The following PHEX variants were observed in gnomAD, a reference collection of about 807,000 sequenced individuals.
PHEX encodes phosphate regulating endopeptidase X-linked, also known as phosphate-regulating neutral endopeptidase PHEX.
PHEX carries 16 observed loss-of-function variants against 68.0 expected under a neutral mutation model. That is an observed-to-expected ratio of 0.24 (90% CI 0.16 to 0.36). PHEX has a LOEUF of 0.36. Ranked by LOEUF, PHEX falls within the 10% of genes least tolerant of loss-of-function variation. The pLI, the probability that PHEX is intolerant of heterozygous loss-of-function variation, is 1.00. For synonymous variants in PHEX, 208 were observed against 205.1 expected (o/e 1.01, Z -0.12); for missense variants, 480 against 575.5 (o/e 0.83, Z 1.70).
chrX:22,164,122 C>T (rs1045175808), intron 12 of PHEX, among the ~76,000 whole-genome samples: 7 of 111,780 alleles, frequency 6.3e-5, no homozygotes, highest in Admixed American at 9.5e-5. Flanking sequence ...TCCTCTTCTA[C>T]CTTTGGAATT....
rs146611446 is a variant in PHEX, at chrX:22,145,360, C to G, written c.1404+11736C>G. Among the ~76,000 whole-genome samples the G allele has an allele frequency of 7.3e-3, 823 of 112,193 alleles. 5 individuals carry two copies. Among genetic ancestry groups the G allele is most frequent in the African/African-American group, 0.025 (779 of 30,893 alleles). On this transcript the variant is annotated intron_variant, in intron 12 of 21. Transcript: ENST00000379374. Reference sequence around the variant, plus strand: ...GCGCAGAGGCTTACGCCTGTAAACGCATCACTTTGGGAGGCCGAGGTGGGT... The same window carrying G: ...GCGCAGAGGCTTACGCCTGTAAACGGATCACTTTGGGAGGCCGAGGTGGGT...
intron 5 of PHEX, among the ~76,000 whole-genome samples, chrX:22,085,440 TG>T (rs1293282374): frequency 9.1e-6 from 1 of 109,577 alleles, no homozygotes; most frequent in Admixed American, 9.8e-5. Flanking sequence ...CCAGGCATGG[TG>T]TCGGGTACCT....
intron 13 of PHEX, among the ~76,000 whole-genome samples, chrX:22,175,156 TAAGA>T (rs1933657365): frequency 8.9e-6 from 1 of 112,009 alleles, no homozygotes; most frequent in Admixed American, 9.5e-5. Flanking sequence ...TAAACCAGGC[TAAGA>T]AAGAAGAAAT....
At chrX:22,132,821 C>T (rs777854622) in intron 11 of PHEX, among the ~76,000 whole-genome samples, 11 of 110,387 alleles carry the variant, frequency 1.0e-4, no homozygotes, top group Non-Finnish European at 2.1e-4. Flanking sequence ...CCTGTATACC[C>T]GTATAATTCA....
rs150619847 is a variant in PHEX, at chrX:22,097,023, T to C, written c.918T>C (p.Ser306=). ...ACAAAATGAACATTTCTGAACTGAG[T>C]GCTATGATTCCCCAGGTTGGTGAAA... is the stretch of plus-strand genomic sequence containing the variant. ...MYNKMNISEL[S]AMIPQFDWLG... The change falls in exon 8 of 22, where the codon AGT becomes AGC. Residue 306 remains serine (S), a synonymous_variant. Coordinates refer to ENST00000379374, the MANE Select transcript of PHEX (RefSeq NM_000444.6). 7.5e-6 allele frequency: 9 copies of C among 1,192,574 alleles called. No homozygotes were observed. In the African/African-American group the frequency reaches 1.6e-4, roughly 21 times the overall value.
At chrX:22,165,976 A>G (rs755116550) in intron 12 of PHEX, among the ~76,000 whole-genome samples, 3 of 112,220 alleles carry the variant, frequency 2.7e-5, no homozygotes, top group African/African-American at 9.7e-5. Flanking sequence ...ATAAAACTTT[A>G]TTTATAAAAA....
At chrX:22,138,697 G>A (rs1017907423) in intron 12 of PHEX, among the ~76,000 whole-genome samples, 8 of 111,890 alleles carry the variant, frequency 7.1e-5, no homozygotes, top group African/African-American at 2.6e-4. Flanking sequence ...AAATTGTTTC[G>A]TAGGAGAAAA....
intron 12 of PHEX, among the ~76,000 whole-genome samples, chrX:22,166,536 A>G (rs1933326883): frequency 9.0e-6 from 1 of 110,806 alleles, no homozygotes; most frequent in Non-Finnish European, 1.9e-5. Context: ...TTTTATATAT[A>G]TATATATGAT....
chrX:22,225,171 C>T (rs1214947874), intron 18 of PHEX, among the ~76,000 whole-genome samples: 2 of 108,011 alleles, frequency 1.9e-5, no homozygotes, highest in Admixed American at 9.9e-5. Context: ...CCGGTGGAGT[C>T]TTCTCATGTT....
chrX:22,194,972 TTG>T, intron 15 of PHEX, among the ~76,000 whole-genome samples: 1 of 112,254 alleles, frequency 8.9e-6, no homozygotes, highest in African/African-American at 3.2e-5. Flanking sequence ...AACCCTAACT[TTG>T]TGATAACTGC....
intron 9 of PHEX, among the ~76,000 whole-genome samples, chrX:22,111,167 G>A (rs189446915): frequency 8.9e-6 from 1 of 112,346 alleles, no homozygotes; most frequent in African/African-American, 3.2e-5. Flanking sequence ...TTCCAGACAC[G>A]AAAGGCTGTG....
intron 15 of PHEX, among the ~76,000 whole-genome samples, chrX:22,192,800 G>T (rs1039826609): frequency 8.9e-6 from 1 of 111,791 alleles, no homozygotes; most frequent in African/African-American, 3.2e-5. Context: ...CATACTGGCC[G>T]TTGTTCCTAC....
intron 9 of PHEX, among the ~76,000 whole-genome samples, chrX:22,102,169 T>G (rs1930460336): frequency 8.9e-6 from 1 of 111,927 alleles, no homozygotes; most frequent in Non-Finnish European, 1.9e-5. Context: ...GTTTTATTCA[T>G]TCTTTCTATT....
Position 22,232,263 on chromosome X carries a change from A to G in PHEX, c.2070+4652A>G, listed in dbSNP as rs140793176. On this transcript the variant is annotated intron_variant, in intron 20 of 21. Transcript: ENST00000379374. ...TATATTCTATTGATTTGGGGTGGAG[A>G]GTTCTGTAGATGCCTATTAGGTCCA... Among the ~76,000 whole-genome samples the G allele has an allele frequency of 3.6e-3, 399 of 111,195 alleles. 2 individuals carry two copies. Among genetic ancestry groups the G allele is most frequent in the African/African-American group, 0.012 (372 of 30,610 alleles).
chrX:22,101,066 C>T (rs1346973515), intron 9 of PHEX, among the ~76,000 whole-genome samples: 1 of 111,243 alleles, frequency 9.0e-6, no homozygotes, highest in Non-Finnish European at 1.9e-5. Flanking sequence ...ATCCCAGCGA[C>T]TTGGGAAGCT....
Position 22,160,300 on chromosome X carries a change from G to C in PHEX, c.1405-8012G>C, listed in dbSNP as rs991711445. On this transcript the variant is annotated intron_variant, in intron 12 of 21. Transcript: ENST00000379374. Reference sequence around the variant, plus strand: ...ACAGTGTCTCACGCCTGTAATCCCAGCACTTTGGGAGGCTGAGGCAGGTGG... The same window carrying C: ...ACAGTGTCTCACGCCTGTAATCCCACCACTTTGGGAGGCTGAGGCAGGTGG... Among the ~76,000 whole-genome samples, 5 of 111,571 alleles carry C rather than the reference G, an allele frequency of 4.5e-5. No individual in the cohort carries two copies. The East Asian group carries it at 1.4e-3, about 32-fold the overall frequency.
At chrX:22,194,421 C>A (rs939658843) in intron 15 of PHEX, among the ~76,000 whole-genome samples, 2 of 111,651 alleles carry the variant, frequency 1.8e-5, no homozygotes, top group Non-Finnish European at 3.8e-5. Flanking sequence ...GGACTTCCCC[C>A]ACCCTACAAC....
intron 18 of PHEX, among the ~76,000 whole-genome samples, chrX:22,225,541 T>C (rs1030049396): frequency 1.8e-5 from 2 of 110,421 alleles, no homozygotes; most frequent in African/African-American, 6.7e-5. Context: ...ATGGTCTCTG[T>C]TACAATATTT....
At chrX:22,151,028 C>T (rs992452656) in intron 12 of PHEX, among the ~76,000 whole-genome samples, 1 of 111,891 alleles carries the variant, frequency 8.9e-6, no homozygotes, top group African/African-American at 3.3e-5. Context: ...GTCACTTTTC[C>T]TTGACCTGCA....
Sources: allele counts gnomAD v4.1 joint callset (sites outside exome capture counted in the v4.1 genomes callset), GRCh38; gene constraint gnomAD v4.1.1; transcripts MANE v1.5; gene names NCBI Gene and HGNC (gene_info 2026-07-23, HGNC 2026-07-21).